Variants in CCDC186 observed in about 807,000 individuals in gnomAD.
The protein encoded by CCDC186 is coiled-coil domain containing 186.
CCDC186 carries 49 observed loss-of-function variants against 113.7 expected under a neutral mutation model. The ratio of observed to expected loss-of-function variants is 0.43; its 90% CI spans 0.34 to 0.55. The LOEUF is 0.55. CCDC186 is among the 20% of genes least tolerant of loss of function. CCDC186 has a pLI of 0.02. For missense variants in CCDC186, 890 were observed against 1,011.1 expected (o/e 0.88, Z 1.62); for synonymous variants, 355 against 345.8 (o/e 1.03, Z -0.30).
intron 6 of CCDC186, among the ~76,000 whole-genome samples, chr10:114,137,774 T>C (rs1287773256): frequency 6.6e-6 from 1 of 151,318 alleles, no homozygotes; most frequent in Non-Finnish European, 1.5e-5. Context: ...TGGTGGCTCA[T>C]GCCTGTAATC....
chr10:114,143,940 T>G (rs559345658), intron 6 of CCDC186, among the ~76,000 whole-genome samples: 2 of 152,246 alleles, frequency 1.3e-5, no homozygotes, highest in African/African-American at 2.4e-5. Context: ...CCTTTATAAT[T>G]ACTTATATTA....
At chr10:114,143,133 A>T (rs754871891) in intron 6 of CCDC186, among the ~76,000 whole-genome samples, 1 of 152,188 alleles carries the variant, frequency 6.6e-6, no homozygotes, top group Non-Finnish European at 1.5e-5. Flanking sequence ...ATTTTCTAGC[A>T]ATCTGCACCA....
chr10:114,131,819 G>T, intron 11 of CCDC186, 110 bp downstream of exon 11: 2 of 876,470 alleles, frequency 2.3e-6, no homozygotes, highest in South Asian at 3.4e-5. Context: ...TTGTCAGAAA[G>T]TCAGTGTCCA....
intron 1 of CCDC186, among the ~76,000 whole-genome samples, 154 bp downstream of exon 1, chr10:114,173,861 G>T (rs952388125): frequency 6.6e-6 from 1 of 152,204 alleles, no homozygotes; most frequent in Non-Finnish European, 1.5e-5. Context: ...GCCCTCAAAG[G>T]AGCCAGGCGG....
intron 13 of CCDC186, among the ~76,000 whole-genome samples, chr10:114,128,851 T>G (rs1479397054): frequency 6.6e-6 from 1 of 152,168 alleles, no homozygotes; most frequent in Non-Finnish European, 1.5e-5. Context: ...TATGTAAAAA[T>G]CTGATACACA....
At chr10:114,165,848 T>TTAAAAAAAAAAAAA (rs1564919884) in intron 1 of CCDC186, 1 of 228,832 alleles carries the variant, frequency 4.4e-6, no homozygotes, top group Admixed American at 2.4e-4. Context: ...ACACTTTGTC[T>TTAAAAAAAAAAAAA]CAAAAAAAAA....
At chr10:114,142,080 G>A (rs1334972046) in intron 6 of CCDC186, among the ~76,000 whole-genome samples, 1 of 152,150 alleles carries the variant, frequency 6.6e-6, no homozygotes, top group Non-Finnish European at 1.5e-5. Flanking sequence ...AAATGGCAAA[G>A]CAAATAAGAA....
intron 10 of CCDC186, among the ~76,000 whole-genome samples, chr10:114,133,292 A>G (rs1317755633): frequency 6.6e-6 from 1 of 152,164 alleles, no homozygotes; most frequent in East Asian, 1.9e-4. Flanking sequence ...GGAAGGAAAG[A>G]AGAGCTGAGG....
In CCDC186 at chr10:114,145,599, T is replaced by A; in HGVS notation, c.1051A>T (p.Lys351Ter). The change falls in exon 5 of 16, where the codon AAG (lysine) becomes TAG (stop). Residue 351 changes from lysine (K) to a stop codon, truncating the protein, a stop_gained. Transcript: ENST00000369287. LOFTEE classifies it high-confidence loss of function. The part of the protein sequence containing the change: ...KELEKNTNKI[K>*]QLSQEKGRLH... ...CGTCCTTTCTCCTGAGAAAGCTGCT[T>A]AATTTTGTTAGTGTTTTTCTCAAGT... The A allele has an allele frequency of 6.2e-7, 1 of 1,612,794 alleles. No homozygotes were observed. Among genetic ancestry groups the A allele is most frequent in the Non-Finnish European group, 8.5e-7 (1 of 1,179,854 alleles).
At chr10:114,136,278 A>C in intron 7 of CCDC186, 32 bp from the exon 8 acceptor site, 1 of 1,511,476 alleles carries the variant, frequency 6.6e-7, no homozygotes, top group Non-Finnish European at 9.1e-7. Flanking sequence ...AAGTGTGACA[A>C]TTTTTAACCC....
rs2030743529 is a variant in CCDC186, at chr10:114,122,120, T to G, written c.*3023A>C. The G allele has an allele frequency of 6.6e-6, 1 of 152,244 alleles. No homozygotes were observed. Among genetic ancestry groups the G allele is most frequent in the South Asian group, 2.1e-4 (1 of 4,830 alleles). 9.4% of individuals were successfully genotyped at this position (152,244 alleles called of 1,614,324 possible). Reference sequence around the variant, plus strand: ...AGCCACCACACCCGGCCCCAGCTATTTTCATTAGACCATGAACTCCATGAG... The same window carrying G: ...AGCCACCACACCCGGCCCCAGCTATGTTCATTAGACCATGAACTCCATGAG... On this transcript the variant is annotated 3_prime_UTR_variant, in exon 16 of 16. Coordinates refer to ENST00000369287, the MANE Select transcript of CCDC186 (RefSeq NM_018017.4).
At position 114,131,177 on chromosome 10, in the gene CCDC186, T is replaced by A. The variant is rs1408936392; in HGVS notation, c.2071A>T (p.Ile691Phe). ...VTQRRKHASS[I>F]KDLTKQLQQA... is the part of the protein sequence containing the mutation. ...TGAAGTTGTTTGGTGAGATCCTTGA[T>A]ACTAGAGGCATGTTTACGTCTCTGA... Residue 691 changes from isoleucine to phenylalanine, a missense_variant, in exon 12 of 16, where the codon ATC becomes TTC. Coordinates refer to ENST00000369287, the MANE Select transcript of CCDC186 (RefSeq NM_018017.4). 3.8e-6 allele frequency: 6 copies of A among 1,579,226 alleles called. No homozygotes were observed. Among genetic ancestry groups the A allele is most frequent in the Non-Finnish European group, 5.1e-6 (6 of 1,165,132 alleles).
chr10:114,165,215 G>A (rs1449368665), intron 1 of CCDC186, among the ~76,000 whole-genome samples: 1 of 152,188 alleles, frequency 6.6e-6, no homozygotes, highest in Non-Finnish European at 1.5e-5. Context: ...TTTTGCTGCA[G>A]ATATTTTATA....
rs2032239518 is a variant in CCDC186, at chr10:114,163,419, A to T, written c.-61-90T>A. On this transcript the variant is annotated intron_variant, in intron 1 of 15. Coordinates refer to ENST00000369287, the MANE Select transcript of CCDC186 (RefSeq NM_018017.4). Reference sequence around the variant, plus strand: ...CACTCTGTGATGTGGAATAACTAACACCACAAATTTTATCACTAACAATTC... The same window carrying T: ...CACTCTGTGATGTGGAATAACTAACTCCACAAATTTTATCACTAACAATTC... 2.9e-6 allele frequency: 3 copies of T among 1,023,466 alleles called. No homozygotes were observed. In the South Asian group the frequency reaches 5.5e-5, roughly 19 times the overall value. 63.4% of individuals were successfully genotyped at this position (1,023,466 alleles called of 1,614,324 possible).
intron 3 of CCDC186, 94 bp downstream of exon 3, chr10:114,157,460 A>C: frequency 2.5e-6 from 3 of 1,213,810 alleles, no homozygotes; most frequent in Non-Finnish European, 3.3e-6. Flanking sequence ...CCAAAGTGCT[A>C]CGATTACAGG....
intron 4 of CCDC186, among the ~76,000 whole-genome samples, chr10:114,149,474 C>T (rs915492193): frequency 1.3e-5 from 2 of 149,370 alleles, no homozygotes; most frequent in Non-Finnish European, 3.0e-5. Context: ...CTACCATGTA[C>T]ACCAACTACT....
In CCDC186 at chr10:114,160,007, C is replaced by T. The variant is rs138928786; in HGVS notation, c.633-2327G>A. Among the ~76,000 whole-genome samples the T allele has an allele frequency of 3.3e-5, 5 of 152,024 alleles. No homozygotes were observed. In the East Asian group the frequency reaches 7.8e-4, roughly 24 times the overall value. ...TTTTTGGGCCAGGCGCAGTGGCTCA[C>T]GCCTGTAATCCCAGAACTTTGGGAG... is the stretch of plus-strand genomic sequence containing the variant. On this transcript the variant is annotated intron_variant, in intron 2 of 15. Transcript: ENST00000369287.
intron 1 of CCDC186, among the ~76,000 whole-genome samples, chr10:114,170,473 G>A (rs976259614): frequency 1.3e-5 from 2 of 151,978 alleles, no homozygotes; most frequent in African/African-American, 2.4e-5. Context: ...GGTACATGCC[G>A]CCAAACCCAG....
At position 114,121,439 on chromosome 10, in the gene CCDC186, G is replaced by A. The variant is rs987454634; in HGVS notation, c.*3704C>T. On this transcript the variant is annotated 3_prime_UTR_variant, in exon 16 of 16. Transcript: ENST00000369287. ...TTAAATTTGCATGTAACAATTTTTA[G>A]AAAATAATATACTGCAAAAGAAAGA... 3.3e-5 allele frequency: 5 copies of A among 151,778 alleles called. No homozygotes were observed. The highest frequency in any genetic ancestry group is 1.2e-4 in the African/African-American group (5 of 41,318). 9.4% of individuals were successfully genotyped at this position (151,778 alleles called of 1,614,324 possible).
Sources: allele counts gnomAD v4.1 joint callset (sites outside exome capture counted in the v4.1 genomes callset), GRCh38; gene constraint gnomAD v4.1.1; transcripts MANE v1.5; gene names NCBI Gene and HGNC (gene_info 2026-07-23, HGNC 2026-07-21).